Variants in ELMO1 observed in about 807,000 individuals in gnomAD.
ELMO1 encodes the protein engulfment and cell motility protein 1.
Under a neutral mutation model 98.9 loss-of-function variants are expected in ELMO1, and 26 were observed. The observed-to-expected ratio is 0.26, with a 90% CI of 0.19 to 0.36. The LOEUF (loss-of-function observed/expected upper bound fraction) is 0.36, where lower values mean the gene tolerates loss of function less well. ELMO1 is among the 10% of genes least tolerant of loss of function. The pLI is 1.00. For synonymous variants in ELMO1, 346 were observed against 346.0 expected (o/e 1.00, Z 0.00); for missense variants, 627 against 935.2 (o/e 0.67, Z 4.30).
intron 14 of ELMO1, among the ~76,000 whole-genome samples, chr7:37,101,085 C>G (rs960637892): frequency 6.6e-6 from 1 of 152,206 alleles, no homozygotes; most frequent in Non-Finnish European, 1.5e-5. Flanking sequence ...ACACTTTTAC[C>G]AGCAGCTAAA....
chr7:36,874,114 C>T (rs567728988), intron 19 of ELMO1, among the ~76,000 whole-genome samples: 54 of 152,344 alleles, frequency 3.5e-4, no homozygotes, highest in African/African-American at 1.2e-3. Context: ...TCTACATCCA[C>T]CAACCGCCTC....
intron 15 of ELMO1, among the ~76,000 whole-genome samples, chr7:37,034,443 C>CA (rs1490312169): frequency 6.6e-6 from 1 of 152,130 alleles, no homozygotes; most frequent in Non-Finnish European, 1.5e-5. Context: ...GTCTGTGGTA[C>CA]AGTTGACCTA....
At chr7:37,146,494 T>C (rs1417213341) in intron 13 of ELMO1, among the ~76,000 whole-genome samples, 2 of 152,168 alleles carry the variant, frequency 1.3e-5, no homozygotes, top group Admixed American at 6.5e-5. Context: ...ATGACTGCTT[T>C]AGATAGGACA....
At chr7:36,914,250 T>C (rs577526343) in intron 16 of ELMO1, among the ~76,000 whole-genome samples, 6 of 152,350 alleles carry the variant, frequency 3.9e-5, no homozygotes, top group African/African-American at 1.4e-4. Flanking sequence ...TCCCAAAGTA[T>C]AATATTATTT....
intron 15 of ELMO1, among the ~76,000 whole-genome samples, chr7:37,066,077 T>C (rs886607505): frequency 2.6e-5 from 4 of 152,214 alleles, no homozygotes; most frequent in African/African-American, 9.6e-5. Context: ...GACATGACTT[T>C]GTTCCTCATT....
chr7:37,387,012 T>C (rs144754666), intron 1 of ELMO1, among the ~76,000 whole-genome samples: 1 of 152,296 alleles, frequency 6.6e-6, no homozygotes. Flanking sequence ...GACTCTAATA[T>C]ATAGCAAGAG....
intron 13 of ELMO1, among the ~76,000 whole-genome samples, chr7:37,136,871 T>A (rs562595864): frequency 1.8e-4 from 28 of 152,262 alleles, no homozygotes; most frequent in African/African-American, 5.5e-4. Context: ...AAACACAAAG[T>A]ATTCAGGCAA....
chr7:37,393,620 C>T (rs1803172539), intron 1 of ELMO1, among the ~76,000 whole-genome samples: 1 of 152,176 alleles, frequency 6.6e-6, no homozygotes, highest in African/African-American at 2.4e-5. Context: ...TTGGGTTTGT[C>T]TGGTGCTGCT....
intron 16 of ELMO1, among the ~76,000 whole-genome samples, chr7:36,947,128 T>G (rs56137137): frequency 0.064 from 9,765 of 152,258 alleles, 535 homozygotes; most frequent in East Asian, 0.28. Flanking sequence ...CTGCTCCCTC[T>G]CTGCTTTGGG....
intron 16 of ELMO1, among the ~76,000 whole-genome samples, chr7:36,904,675 A>G (rs1040091248): frequency 6.6e-6 from 1 of 152,232 alleles, no homozygotes; most frequent in Non-Finnish European, 1.5e-5. Context: ...AATTCATCTT[A>G]AACTCAATTA....
rs565560947 is a variant in ELMO1, at chr7:37,373,452, A to T, written c.-73-30689T>A. Among the ~76,000 whole-genome samples, 355 of 151,950 alleles carry T rather than the reference A, an allele frequency of 2.3e-3. 5 individuals carry two copies. Among genetic ancestry groups the T allele is most frequent in the African/African-American group, 7.4e-3 (308 of 41,426 alleles). ...TGAAACCCAGTCTCTATTAAAAATT[A>T]AAAAAAATTAGCTGGGTGTGGTGGC... On this transcript the variant is annotated intron_variant, in intron 1 of 21. Transcript: ENST00000310758.
intron 20 of ELMO1, among the ~76,000 whole-genome samples, chr7:36,863,205 G>A (rs1274762413): frequency 6.6e-6 from 1 of 152,096 alleles, no homozygotes; most frequent in Non-Finnish European, 1.5e-5. Context: ...TCGTGGAATG[G>A]GAGCTATTCT....
At chr7:36,971,735 A>T (rs1392097312) in intron 16 of ELMO1, among the ~76,000 whole-genome samples, 1 of 152,230 alleles carries the variant, frequency 6.6e-6, no homozygotes, top group Non-Finnish European at 1.5e-5. Flanking sequence ...GGGTAAAAAG[A>T]TCAGTGAGTT....
At chr7:37,001,298 T>A (rs1191173386) in intron 16 of ELMO1, among the ~76,000 whole-genome samples, 2 of 152,196 alleles carry the variant, frequency 1.3e-5, no homozygotes, top group African/African-American at 4.8e-5. Flanking sequence ...CCACCCCATA[T>A]TAAGACGGTG....
At chr7:37,069,689 T>C (rs966432742) in intron 15 of ELMO1, among the ~76,000 whole-genome samples, 5 of 152,322 alleles carry the variant, frequency 3.3e-5, no homozygotes, top group South Asian at 4.1e-4. Context: ...ATGGAACCGA[T>C]CTCCGATTTC....
intron 13 of ELMO1, among the ~76,000 whole-genome samples, chr7:37,200,352 A>G (rs1346258808): frequency 6.6e-6 from 1 of 151,804 alleles, no homozygotes; most frequent in Non-Finnish European, 1.5e-5. Flanking sequence ...AACTGCTGAA[A>G]TTATAGGAGA....
intron 15 of ELMO1, among the ~76,000 whole-genome samples, chr7:37,030,482 TG>T (rs1210332606): frequency 6.6e-6 from 1 of 152,192 alleles, no homozygotes; most frequent in Non-Finnish European, 1.5e-5. Flanking sequence ...ATATCTTATA[TG>T]GTTAATATAA....
intron 14 of ELMO1, among the ~76,000 whole-genome samples, chr7:37,106,126 T>A (rs143434561): frequency 1.1e-3 from 166 of 152,166 alleles, no homozygotes; most frequent in African/African-American, 3.8e-3. Flanking sequence ...TCACAAGCCA[T>A]TGAAGCAGGA....
intron 13 of ELMO1, among the ~76,000 whole-genome samples, chr7:37,149,016 C>T (rs1788184169): frequency 6.6e-6 from 1 of 152,216 alleles, no homozygotes; most frequent in African/African-American, 2.4e-5. Context: ...GCCCATTCTC[C>T]TGGAGCCCAG....
Sources: gnomAD v4.1 joint callset for allele counts (sites outside exome capture counted in the v4.1 genomes callset) on GRCh38, gnomAD v4.1.1 for gene constraint, MANE v1.5 for transcripts, NCBI Gene and HGNC (gene_info 2026-07-23, HGNC 2026-07-21) for gene names.